Variants in ZNF804B observed in about 807,000 individuals in gnomAD.
ZNF804B encodes the protein zinc finger protein 804B, also known as zinc finger 804B.
Under a neutral mutation model 101.4 loss-of-function variants are expected in ZNF804B, and 80 were observed. The observed-to-expected ratio is 0.79, with a 90% CI of 0.66 to 0.95. ZNF804B has a LOEUF of 0.95. Among genes scored for constraint, ZNF804B ranks in the 40% least tolerant of loss-of-function variants. The pLI, the probability that ZNF804B is intolerant of heterozygous loss-of-function variation, is 0.00. For synonymous variants in ZNF804B, 622 were observed against 558.8 expected, an observed-to-expected ratio of 1.11 and a Z score of -1.59; for missense variants, 1,673 against 1,561.9, an observed-to-expected ratio of 1.07 and a Z score of -1.20.
chr7:89,199,200 C>T (rs1584048863), intron 1 of ZNF804B, among the ~76,000 whole-genome samples: 1 of 151,680 alleles, frequency 6.6e-6, no homozygotes, highest in Non-Finnish European at 1.5e-5. Flanking sequence ...CTTTGTGGGC[C>T]CATTCTTTAC....
intron 1 of ZNF804B, among the ~76,000 whole-genome samples, chr7:89,025,722 T>C (rs1394184373): frequency 6.6e-6 from 1 of 152,176 alleles, no homozygotes; most frequent in Non-Finnish European, 1.5e-5. Context: ...TCAGCTATTA[T>C]GTCTCATGTG....
chr7:88,835,379 C>G (rs980612575), intron 1 of ZNF804B, among the ~76,000 whole-genome samples: 2 of 151,794 alleles, frequency 1.3e-5, no homozygotes, highest in Admixed American at 6.6e-5. Context: ...TCTTAGAGAT[C>G]TCATTCTGTT....
intron 1 of ZNF804B, among the ~76,000 whole-genome samples, chr7:89,149,877 C>G (rs1790846824): frequency 6.6e-6 from 1 of 151,852 alleles, no homozygotes; most frequent in Admixed American, 6.6e-5. Flanking sequence ...TCACTGTTGA[C>G]AGTTGGACTC....
At chr7:88,972,663 T>C (rs965923511) in intron 1 of ZNF804B, among the ~76,000 whole-genome samples, 36 of 151,340 alleles carry the variant, frequency 2.4e-4, no homozygotes, top group African/African-American at 8.5e-4. Flanking sequence ...CAGATTGAAA[T>C]TTTTATCATC....
intron 1 of ZNF804B, among the ~76,000 whole-genome samples, chr7:89,018,562 C>T (rs1039487748): frequency 5.9e-5 from 9 of 151,908 alleles, no homozygotes; most frequent in African/African-American, 2.2e-4. Context: ...AATTCCTTCC[C>T]CTTCAATTTT....
At chr7:88,777,577 T>A (rs543374677) in intron 1 of ZNF804B, among the ~76,000 whole-genome samples, 2 of 152,260 alleles carry the variant, frequency 1.3e-5, no homozygotes, top group African/African-American at 4.8e-5. Flanking sequence ...GTGCAGTGGC[T>A]CACGCCTGTA....
chr7:88,922,626 T>TAC lies in ZNF804B; in HGVS notation c.108+162551_108+162552dup, dbSNP rs571864304. On this transcript the variant is annotated intron_variant, in intron 1 of 3. Transcript: ENST00000333190. ...TTACAGATACATATATATATATATA[T>TAC]ACACACACACTTTTTCTAATTAGCC... is the stretch of plus-strand genomic sequence containing the variant. Among the ~76,000 whole-genome samples the TAC allele has an allele frequency of 4.2e-3, 354 of 84,102 alleles. 3 individuals are homozygous for TAC. Among genetic ancestry groups the TAC allele is most frequent in the African/African-American group, 0.014 (327 of 23,650 alleles). The allele number at this position is 84,102 out of a possible 152,430, so 55.2% of individuals were successfully genotyped here.
chr7:88,902,707 G>A (rs1306796246), intron 1 of ZNF804B, among the ~76,000 whole-genome samples: 1 of 151,914 alleles, frequency 6.6e-6, no homozygotes, highest in Admixed American at 6.6e-5. Context: ...AATTCTGAAA[G>A]TAAATATATT....
intron 2 of ZNF804B, among the ~76,000 whole-genome samples, chr7:89,225,487 A>C (rs1789075678): frequency 6.6e-6 from 1 of 152,108 alleles, no homozygotes; most frequent in Admixed American, 6.5e-5. Flanking sequence ...TGTCTCTAGA[A>C]CTTAGAGCAA....
intron 3 of ZNF804B, among the ~76,000 whole-genome samples, chr7:89,330,513 T>C (rs543723124): frequency 1.4e-4 from 21 of 151,694 alleles, no homozygotes; most frequent in Non-Finnish European, 2.7e-4. Context: ...CTAGAAAAAG[T>C]TAAAGCTTTA....
chr7:89,282,279 T>C (rs1790112068), intron 2 of ZNF804B, among the ~76,000 whole-genome samples: 1 of 151,132 alleles, frequency 6.6e-6, no homozygotes, highest in African/African-American at 2.4e-5. Context: ...GATCCCAGCC[T>C]ATGGAAGCTA....
At chr7:89,159,765 AC>A (rs1348339851) in intron 1 of ZNF804B, among the ~76,000 whole-genome samples, 1 of 152,168 alleles carries the variant, frequency 6.6e-6, no homozygotes, top group Non-Finnish European at 1.5e-5. Context: ...CAAGAGGAAA[AC>A]ATCAAGGGTA....
At chr7:89,169,256 T>A (rs976532197) in intron 1 of ZNF804B, among the ~76,000 whole-genome samples, 1 of 152,050 alleles carries the variant, frequency 6.6e-6, no homozygotes, top group South Asian at 2.1e-4. Flanking sequence ...CAGTGTACAC[T>A]TGCAAGATTT....
At chr7:88,924,894 A>G (rs1792773790) in intron 1 of ZNF804B, among the ~76,000 whole-genome samples, 1 of 152,194 alleles carries the variant, frequency 6.6e-6, no homozygotes, top group Non-Finnish European at 1.5e-5. Flanking sequence ...ACATATTTAG[A>G]TTTGATGAAT....
At chr7:88,809,374 C>T in intron 1 of ZNF804B, among the ~76,000 whole-genome samples, 1 of 151,796 alleles carries the variant, frequency 6.6e-6, no homozygotes, top group Non-Finnish European at 1.5e-5. Flanking sequence ...TATCTACCTA[C>T]CTACTTACTT....
At chr7:88,867,708 T>C (rs1190458381) in intron 1 of ZNF804B, among the ~76,000 whole-genome samples, 3 of 152,204 alleles carry the variant, frequency 2.0e-5, no homozygotes, top group Non-Finnish European at 4.4e-5. Context: ...TTGAAAATAA[T>C]GTTAGTAATA....
intron 1 of ZNF804B, among the ~76,000 whole-genome samples, chr7:88,991,401 G>T (rs1248122815): frequency 6.6e-6 from 1 of 152,162 alleles, no homozygotes; most frequent in Non-Finnish European, 1.5e-5. Flanking sequence ...CCTCCGGGAG[G>T]TTCCTATAGT....
intron 2 of ZNF804B, among the ~76,000 whole-genome samples, chr7:89,295,264 T>C (rs547255498): frequency 6.6e-6 from 1 of 152,276 alleles, no homozygotes; most frequent in Non-Finnish European, 1.5e-5. Flanking sequence ...CCTATATTTG[T>C]TGTAGGAGAA....
intron 1 of ZNF804B, among the ~76,000 whole-genome samples, chr7:88,854,414 C>CCTTTCTTTCTTTCTTT (rs71120039): frequency 0.01 from 598 of 57,080 alleles, 33 homozygotes; most frequent in South Asian, 0.017. Context: ...TTTCTTTCTT[C>CCTTTCTTTCTTTCTTT]CTTTCTTTCT....
Sources: allele counts gnomAD v4.1 joint callset (sites outside exome capture counted in the v4.1 genomes callset), GRCh38; gene constraint gnomAD v4.1.1; transcripts MANE v1.5; gene names NCBI Gene and HGNC (gene_info 2026-07-23, HGNC 2026-07-21).